The following SLC4A4 variants were observed in gnomAD, a reference collection of about 807,000 sequenced individuals.
SLC4A4 encodes the protein electrogenic sodium bicarbonate cotransporter 1.
A neutral mutation model predicts 111.5 loss-of-function variants in SLC4A4; 27 were observed. The observed-to-expected ratio is 0.24, with a 90% CI of 0.18 to 0.33. The LOEUF (loss-of-function observed/expected upper bound fraction) is 0.33. SLC4A4 is among the 10% of genes least tolerant of loss of function. SLC4A4 has a pLI of 1.00. For missense variants in SLC4A4, 909 were observed against 1,315.5 expected, an observed-to-expected ratio of 0.69 and a Z score of 4.78; for synonymous variants, 443 against 463.4, an observed-to-expected ratio of 0.96 and a Z score of 0.57.
chr4:71,249,430 G>T (rs754981815), intron 2 of SLC4A4, among the ~76,000 whole-genome samples: 3 of 152,034 alleles, frequency 2.0e-5, no homozygotes, highest in Non-Finnish European at 4.4e-5. Flanking sequence ...ATAAAGGGCT[G>T]GTTTACCCCC....
chr4:71,180,651 T>C (rs1368904129), intron 2 of SLC4A4, among the ~76,000 whole-genome samples: 1 of 152,146 alleles, frequency 6.6e-6, no homozygotes, highest in Non-Finnish European at 1.5e-5. Context: ...CACAATGAGA[T>C]ACCATCTCAC....
chr4:71,075,144 T>A (rs1741772908), intron 1 of SLC4A4, among the ~76,000 whole-genome samples: 1 of 152,224 alleles, frequency 6.6e-6, no homozygotes, highest in Non-Finnish European at 1.5e-5. Flanking sequence ...AGGAGGTTAC[T>A]GCATTTAGAC....
At chr4:71,396,910 G>A (rs573809844) in intron 6 of SLC4A4, among the ~76,000 whole-genome samples, 2 of 152,278 alleles carry the variant, frequency 1.3e-5, no homozygotes, top group East Asian at 1.9e-4. Flanking sequence ...TGTTAAGGGG[G>A]AAAAGAGGAT....
At chr4:71,466,374 GC>G in intron 12 of SLC4A4, 69 bp from the exon 13 acceptor site, 2 of 1,579,094 alleles carry the variant, frequency 1.3e-6, no homozygotes, top group South Asian at 2.2e-5. Context: ...GGCTTTATTT[GC>G]CTAGTGACAT....
chr4:71,180,652 A>G (rs1325368651), intron 2 of SLC4A4, among the ~76,000 whole-genome samples: 1 of 152,258 alleles, frequency 6.6e-6, no homozygotes, highest in African/African-American at 2.4e-5. Flanking sequence ...ACAATGAGAT[A>G]CCATCTCACA....
chr4:71,173,055 T>A (rs142550885), intron 2 of SLC4A4, among the ~76,000 whole-genome samples: 2 of 152,368 alleles, frequency 1.3e-5, no homozygotes, highest in East Asian at 3.9e-4. Context: ...CAAAACTATA[T>A]GTTGTATTTC....
chr4:71,334,452 C>A (rs1194720096), intron 3 of SLC4A4, among the ~76,000 whole-genome samples: 1 of 152,010 alleles, frequency 6.6e-6, no homozygotes, highest in African/African-American at 2.4e-5. Context: ...GAGTTTCTCC[C>A]AGAGCTGCAC....
chr4:71,181,056 T>G (rs988749044), intron 2 of SLC4A4, among the ~76,000 whole-genome samples: 1 of 152,004 alleles, frequency 6.6e-6, no homozygotes, highest in East Asian at 1.9e-4. Flanking sequence ...TGAGTTCATG[T>G]CCTTTGTAGG....
At chr4:71,143,832 G>C (rs140656205) in intron 2 of SLC4A4, among the ~76,000 whole-genome samples, 4,599 of 152,192 alleles carry the variant, frequency 0.03, 214 homozygotes, top group African/African-American at 0.098. Context: ...GTTCATTGTA[G>C]ATTCTGGATA....
intron 7 of SLC4A4, among the ~76,000 whole-genome samples, chr4:71,416,307 C>T (rs1721819794): frequency 6.6e-6 from 1 of 152,174 alleles, no homozygotes; most frequent in Non-Finnish European, 1.5e-5. Flanking sequence ...CTTACATATA[C>T]TGTGATTTTT....
intron 7 of SLC4A4, chr4:71,434,320 A>T (rs1029016146): frequency 1.3e-5 from 2 of 152,472 alleles, no homozygotes; most frequent in Non-Finnish European, 2.9e-5. Context: ...TATAAAACTA[A>T]CATAATACAA....
chr4:71,510,331 A>G (rs531999256), intron 16 of SLC4A4, among the ~76,000 whole-genome samples: 86 of 152,282 alleles, frequency 5.6e-4, no homozygotes, highest in Admixed American at 5.9e-4. Flanking sequence ...CTCTCCCAAC[A>G]TAATTTCTAT....
At chr4:71,528,074 A>G (rs1733579653) in intron 16 of SLC4A4, among the ~76,000 whole-genome samples, 1 of 152,106 alleles carries the variant, frequency 6.6e-6, no homozygotes, top group Non-Finnish European at 1.5e-5. Context: ...TCAGAATGCC[A>G]TAGTATTCTT....
intron 16 of SLC4A4, among the ~76,000 whole-genome samples, chr4:71,510,097 A>T (rs574357230): frequency 3.0e-4 from 45 of 152,196 alleles, no homozygotes; most frequent in African/African-American, 1.1e-3. Flanking sequence ...TGAATTTTGG[A>T]CTTGTGAGGA....
At chr4:71,567,178 C>A (rs968750145) in intron 25 of SLC4A4, 95 bp downstream of exon 25, 1 of 960,978 alleles carries the variant, frequency 1.0e-6, no homozygotes, top group Non-Finnish European at 1.6e-6. Flanking sequence ...TTCTTGTTCT[C>A]CTTCGTCTCT....
At chr4:71,350,204 T>A in intron 5 of SLC4A4, 132 bp downstream of exon 5, 1 of 894,870 alleles carries the variant, frequency 1.1e-6, no homozygotes, top group Non-Finnish European at 1.7e-6. Context: ...TTTTGCATTA[T>A]AACATTAGTA....
At chr4:71,100,011 T>G (rs770680350) in intron 2 of SLC4A4, among the ~76,000 whole-genome samples, 1 of 152,132 alleles carries the variant, frequency 6.6e-6, no homozygotes, top group Non-Finnish European at 1.5e-5. Flanking sequence ...CACAGCTGAA[T>G]TCTACCAGGT....
intron 2 of SLC4A4, among the ~76,000 whole-genome samples, chr4:71,107,939 A>G (rs1239815291): frequency 6.6e-6 from 1 of 151,998 alleles, no homozygotes; most frequent in Non-Finnish European, 1.5e-5. Flanking sequence ...TTTTGCATAT[A>G]CTATATAGCT....
rs939754331 is a variant in SLC4A4 at position 71,292,390 on chromosome 4, A to T, written c.253+36991A>T. The stretch of plus-strand genomic sequence containing the variant: ...ACTTAGCCCCTCCTTAGTTCTAGGA[A>T]CTAAGTTCTAGGAAGTAAGGAGGGA... On this transcript the variant is annotated intron_variant, in intron 3 of 25. Transcript: ENST00000264485. Among the ~76,000 whole-genome samples, 7 of 152,288 alleles carry T rather than the reference A, an allele frequency of 4.6e-5. No individual in the cohort carries two copies. The East Asian group carries it at 1.4e-3, about 29-fold the overall frequency.
Sources: allele counts gnomAD v4.1 joint callset (sites outside exome capture counted in the v4.1 genomes callset), GRCh38; gene constraint gnomAD v4.1.1; transcripts MANE v1.5; gene names NCBI Gene and HGNC (gene_info 2026-07-23, HGNC 2026-07-21).